Variants in PRRC2C observed in about 807,000 individuals in gnomAD.
PRRC2C encodes protein PRRC2C.
A neutral mutation model predicts 317.2 loss-of-function variants in PRRC2C; 72 were observed. That is an observed-to-expected ratio of 0.23 (90% CI 0.19 to 0.28). The LOEUF (loss-of-function observed/expected upper bound fraction) is 0.28, where lower values mean the gene tolerates loss of function less well. PRRC2C is among the 10% of genes least tolerant of loss of function. The pLI, the probability that PRRC2C is intolerant of heterozygous loss-of-function variation, is 1.00. For synonymous variants in PRRC2C, 1,296 were observed against 1,205.9 expected, an observed-to-expected ratio of 1.07 and a Z score of -1.55; for missense variants, 3,074 against 3,459.7, an observed-to-expected ratio of 0.89 and a Z score of 2.80.
chr1:171,551,621 C>A (rs1471205108), intron 18 of PRRC2C, among the ~76,000 whole-genome samples: 1 of 152,130 alleles, frequency 6.6e-6, no homozygotes, highest in African/African-American at 2.4e-5. Flanking sequence ...TTTAATCCAT[C>A]TTGAATTAGT....
chr1:171,586,964 G>A (rs755458488), intron 30 of PRRC2C, 39 bp from the exon 31 acceptor site: 2 of 1,451,918 alleles, frequency 1.4e-6, no homozygotes, highest in African/African-American at 2.8e-5. Context: ...GTAGTAAACA[G>A]AAACAAATTG....
chr1:171,589,006 G>A (rs1309936457), intron 33 of PRRC2C, among the ~76,000 whole-genome samples: 1 of 152,214 alleles, frequency 6.6e-6, no homozygotes, highest in Non-Finnish European at 1.5e-5. Flanking sequence ...TGTTGAATTA[G>A]TATTGATTTT....
intron 12 of PRRC2C, among the ~76,000 whole-genome samples, chr1:171,534,688 G>C (rs1421735950): frequency 6.6e-6 from 1 of 151,686 alleles, no homozygotes; most frequent in Non-Finnish European, 1.5e-5. Flanking sequence ...AGCCTCCTGA[G>C]TTACTGTTAT....
At position 171,540,325 on chromosome 1, in the gene PRRC2C, C is replaced by T; in HGVS notation, c.2859C>T (p.Ser953=). ...EPSAGIPKVT[S]RCIDSKEPIE... is the part of the protein sequence containing the mutation. ...CTGCAGGCATTCCTAAAGTAACCAG[C>T]AGATGCATTGATTCAAAAGAACCAA... is the stretch of plus-strand genomic sequence containing the variant. Residue 953 remains serine (S), a synonymous_variant, in exon 16 of 35, where the codon AGC becomes AGT. Transcript: ENST00000647382. The T allele has an allele frequency of 6.2e-7, 1 of 1,613,516 alleles. No individual in the cohort carries two copies. Among genetic ancestry groups the T allele is most frequent in the Non-Finnish European group, 8.5e-7 (1 of 1,179,756 alleles).
Position 171,588,478 on chromosome 1 carries a change from A to G in PRRC2C, c.8172A>G (p.Gln2724=). Residue 2724 remains glutamine (Q), a synonymous_variant, in exon 33 of 35, where the codon CAA becomes CAG. Coordinates refer to ENST00000647382, the MANE Select transcript of PRRC2C (RefSeq NM_001387844.1). The part of the protein sequence containing the change: ...QSAPATVRMT[Q]PFPTQFAPQI... Reference sequence around the variant, plus strand: ...CCCCTGCCACTGTGAGAATGACACAACCATTTCCTACACAGTTTGCACCCC... The same window carrying G: ...CCCCTGCCACTGTGAGAATGACACAGCCATTTCCTACACAGTTTGCACCCC... 1 of 1,613,882 alleles carries G rather than the reference A, an allele frequency of 6.2e-7. No homozygotes were observed. The highest frequency in any genetic ancestry group is 1.3e-5 in the African/African-American group (1 of 75,050).
chr1:171,571,938 T>C (rs1279792252), intron 24 of PRRC2C, among the ~76,000 whole-genome samples: 1 of 152,162 alleles, frequency 6.6e-6, no homozygotes, highest in Non-Finnish European at 1.5e-5. Context: ...TTGATTTTTT[T>C]TGGATAATTA....
chr1:171,553,593 T>A (rs1361430185), intron 18 of PRRC2C, among the ~76,000 whole-genome samples: 1 of 152,218 alleles, frequency 6.6e-6, no homozygotes, highest in Non-Finnish European at 1.5e-5. Context: ...CTGCTTTCTC[T>A]TTTGGGCACT....
intron 18 of PRRC2C, among the ~76,000 whole-genome samples, chr1:171,550,734 T>A (rs1680064208): frequency 6.6e-6 from 1 of 151,992 alleles, no homozygotes; most frequent in African/African-American, 2.4e-5. Context: ...TTTCTGTCCT[T>A]GCAATAGTTT....
At chr1:171,492,435 T>G (rs544085393) in intron 1 of PRRC2C, among the ~76,000 whole-genome samples, 2 of 152,338 alleles carry the variant, frequency 1.3e-5, no homozygotes, top group East Asian at 3.9e-4. Flanking sequence ...CATGTGCCTG[T>G]GGTCTTAGCT....
Position 171,584,142 on chromosome 1 carries a change from A to G in PRRC2C, c.7596A>G (p.Ala2532=), listed in dbSNP as rs776041945. The G allele has an allele frequency of 2.5e-6, 4 of 1,614,032 alleles. No homozygotes were observed. Among genetic ancestry groups the G allele is most frequent in the Admixed American group, 3.3e-5 (2 of 60,030 alleles). The change falls in exon 29 of 35, where the codon GCA becomes GCG. Residue 2532 remains alanine, a synonymous_variant. Transcript: ENST00000647382. ...PILYEHQLGQ[A]SGLGGSQLID... ...TGTATGAACATCAACTGGGGCAGGCATCAGGACTAGGAGGTTCCCAGCTGA... is the reference window on the plus strand; with the variant it reads ...TGTATGAACATCAACTGGGGCAGGCGTCAGGACTAGGAGGTTCCCAGCTGA...
chr1:171,532,307 A>G (rs1395235192), intron 11 of PRRC2C, 36 bp from the exon 12 acceptor site: 1 of 1,556,738 alleles, frequency 6.4e-7, no homozygotes, highest in Admixed American at 2.0e-5. Context: ...TCAGAAATAG[A>G]GTTGTCATAA....
intron 1 of PRRC2C, among the ~76,000 whole-genome samples, chr1:171,490,748 C>A (rs140131378): frequency 4.0e-4 from 61 of 152,184 alleles, no homozygotes; most frequent in African/African-American, 1.5e-3. Flanking sequence ...CCTTGGTGAC[C>A]TTAAAATAAT....
intron 24 of PRRC2C, among the ~76,000 whole-genome samples, chr1:171,573,325 A>G (rs1157687462): frequency 6.6e-6 from 1 of 152,196 alleles, no homozygotes; most frequent in Admixed American, 6.5e-5. Context: ...ATGTTATGTA[A>G]GTTTGATTAG....
chr1:171,574,794 T>C, intron 24 of PRRC2C, 133 bp from the exon 25 acceptor site: 1 of 848,994 alleles, frequency 1.2e-6, no homozygotes, highest in Non-Finnish European at 1.8e-6. Context: ...TCTTAGATTT[T>C]CTTTAAATAT....
chr1:171,591,818 G>A lies in PRRC2C; in HGVS notation c.8668G>A (p.Ala2890Thr). ...PVRTGPIKPQ[A>T]IKTEETKS ...TAGAACTGGACCAATCAAACCTCAG[G>A]CGATCAAAACCGAAGAAACAAAATC... The change falls in exon 35 of 35, where the codon GCG (alanine) becomes ACG (threonine). Residue 2890 changes from alanine to threonine, a missense_variant. This residue lies in a region of PRRC2C where 78 missense variants were observed against 97.7 expected (regional missense o/e 0.80). Coordinates refer to ENST00000647382, the MANE Select transcript of PRRC2C (RefSeq NM_001387844.1). 1 of 1,458,190 alleles carries A rather than the reference G, an allele frequency of 6.9e-7. No individual in the cohort carries two copies. The highest frequency in any genetic ancestry group is 9.2e-7 in the Non-Finnish European group (1 of 1,083,360). The allele number at this position is 1,458,190 out of a possible 1,614,324, so 90.3% of individuals were successfully genotyped here.
At chr1:171,510,761 C>T (rs1671227807) in intron 1 of PRRC2C, 1 of 152,166 alleles carries the variant, frequency 6.6e-6, no homozygotes, top group Admixed American at 6.5e-5. Context: ...TGGTTATCTA[C>T]ACTGTTATGT....
At chr1:171,572,031 G>A (rs1053160630) in intron 24 of PRRC2C, among the ~76,000 whole-genome samples, 1 of 151,524 alleles carries the variant, frequency 6.6e-6, no homozygotes, top group Non-Finnish European at 1.5e-5. Context: ...ATAATTTTGA[G>A]CTATGTTAAT....
intron 11 of PRRC2C, among the ~76,000 whole-genome samples, chr1:171,528,122 G>A (rs376989528): frequency 6.6e-6 from 1 of 151,812 alleles, no homozygotes; most frequent in South Asian, 2.1e-4. Context: ...TTGGTGCTAA[G>A]GACACTTTTT....
At chr1:171,501,692 A>G (rs1178903454) in intron 1 of PRRC2C, among the ~76,000 whole-genome samples, 1 of 152,230 alleles carries the variant, frequency 6.6e-6, no homozygotes, top group Non-Finnish European at 1.5e-5. Flanking sequence ...AAGCTTTTCA[A>G]AATTAAAATT....
Sources: allele counts gnomAD v4.1 joint callset (sites outside exome capture counted in the v4.1 genomes callset), GRCh38; gene constraint gnomAD v4.1.1; regional missense constraint gnomAD v4.1.1; transcripts MANE v1.5; gene names NCBI Gene and HGNC (gene_info 2026-07-23, HGNC 2026-07-21).